PIEZO2: variants seen among roughly 807,000 people sequenced by gnomAD.
PIEZO2 encodes piezo type mechanosensitive ion channel component 2.
Under a neutral mutation model 337.3 loss-of-function variants are expected in PIEZO2, and 172 were observed. That is an observed-to-expected ratio of 0.51 (90% confidence interval 0.45 to 0.58). The LOEUF is 0.58. PIEZO2 is among the 20% of genes least tolerant of loss of function. PIEZO2 has a pLI of 0.00. For synonymous variants in PIEZO2, 1,251 were observed against 1,228.5 expected, an observed-to-expected ratio of 1.02 and a Z score of -0.38; for missense variants, 3,028 against 3,391.3, an observed-to-expected ratio of 0.89 and a Z score of 2.66.
chr18:10,875,049 A>G (rs1419206901), intron 4 of PIEZO2, among the ~76,000 whole-genome samples: 1 of 152,172 alleles, frequency 6.6e-6, no homozygotes, highest in Non-Finnish European at 1.5e-5. Flanking sequence ...ATATTGTATG[A>G]ATGTATCCAA....
In PIEZO2 at chr18:11,092,932, T is replaced by C. The variant is rs977212668; in HGVS notation, c.65-26710A>G. Among the ~76,000 whole-genome samples the C allele has an allele frequency of 6.6e-6, 1 of 152,196 alleles. No individual in the cohort carries two copies. Among genetic ancestry groups the C allele is most frequent in the African/African-American group, 2.4e-5 (1 of 41,438 alleles). ...AAATTGGCTTAATATGCACGTAAAGTGTTCTTTTAAATCAAACCATTCTCA... is the reference window on the plus strand; with the variant it reads ...AAATTGGCTTAATATGCACGTAAAGCGTTCTTTTAAATCAAACCATTCTCA... On this transcript the variant is annotated intron_variant, in intron 1 of 55. Transcript: ENST00000674853. The surrounding 1 kb of genome is among the most constrained non-coding windows in gnomAD (Gnocchi z 4.5).
chr18:10,773,647 C>T lies in PIEZO2; in HGVS notation c.2568-18G>A. On this transcript the variant is annotated intron_variant, in intron 19 of 55. Transcript: ENST00000674853. The surrounding 1 kb of genome is among the most constrained non-coding windows in gnomAD (Gnocchi z 5.3). ...GGGCCAGTCTGTTGGCAGAGAGCAGCTGAGTCAGAAGAGGAAAGGGTGTTG... is the reference window on the plus strand; with the variant it reads ...GGGCCAGTCTGTTGGCAGAGAGCAGTTGAGTCAGAAGAGGAAAGGGTGTTG... 6.5e-7 allele frequency: 1 copy of T among 1,536,086 alleles called. No homozygotes were observed.
intron 3 of PIEZO2, among the ~76,000 whole-genome samples, chr18:10,931,719 A>ATTT (rs2032099486): frequency 1.3e-5 from 2 of 148,456 alleles, no homozygotes; most frequent in African/African-American, 5.1e-5. Flanking sequence ...TGTGTGAGAG[A>ATTT]GAGAGAGAGA....
At chr18:10,776,111 TTC>T (rs1323863239) in intron 18 of PIEZO2, among the ~76,000 whole-genome samples, 4 of 152,216 alleles carry the variant, frequency 2.6e-5, no homozygotes, top group African/African-American at 4.8e-5. Flanking sequence ...CCTTTTACTT[TTC>T]TCTCTCTCTT....
Position 10,988,184 on chromosome 18 carries a change from T to G in PIEZO2, c.161-8524A>C, listed in dbSNP as rs1184930737. 2.0e-5 allele frequency among the ~76,000 whole-genome samples: 3 copies of G among 152,176 alleles called. No individual in the cohort carries two copies. The highest frequency in any genetic ancestry group is 1.3e-4 in the Admixed American group (2 of 15,264). On this transcript the variant is annotated intron_variant, in intron 2 of 55. Transcript: ENST00000674853. The surrounding 1 kb of genome is among the most constrained non-coding windows in gnomAD (Gnocchi z 4.8). ...ATTCCCGTTCAGCCATTTTGCCATGTGAGGACACAGTGTCCATCCCCTCTG... is the reference window on the plus strand; with the variant it reads ...ATTCCCGTTCAGCCATTTTGCCATGGGAGGACACAGTGTCCATCCCCTCTG...
At position 11,003,065 on chromosome 18, in the gene PIEZO2, C is replaced by A. The variant is rs1297649542; in HGVS notation, c.161-23405G>T. ...GGACAGCCTTAAGCACAAGGAGATT[C>A]TAACCTGGGAGATGTCCAGTGACAT... On this transcript the variant is annotated intron_variant, in intron 2 of 55. Transcript: ENST00000674853. The surrounding 1 kb of genome is among the most constrained non-coding windows in gnomAD (Gnocchi z 4.6). 6.6e-6 allele frequency among the ~76,000 whole-genome samples: 1 copy of A among 151,242 alleles called. No individual in the cohort carries two copies. Among genetic ancestry groups the A allele is most frequent in the Non-Finnish European group, 1.5e-5 (1 of 68,032 alleles).
At chr18:10,873,056 T>C (rs902996962) in intron 4 of PIEZO2, among the ~76,000 whole-genome samples, 1 of 152,172 alleles carries the variant, frequency 6.6e-6, no homozygotes, top group African/African-American at 2.4e-5. Context: ...TACACACATA[T>C]ATACATATTC....
At chr18:11,058,335 C>A (rs759016370) in intron 2 of PIEZO2, among the ~76,000 whole-genome samples, 6 of 152,158 alleles carry the variant, frequency 3.9e-5, no homozygotes, top group Non-Finnish European at 5.9e-5. Context: ...GAAAAAACAG[C>A]TGGAAATCTG....
intron 1 of PIEZO2, among the ~76,000 whole-genome samples, chr18:11,067,262 T>G (rs1314371404): frequency 2.0e-5 from 3 of 152,146 alleles, no homozygotes; most frequent in Non-Finnish European, 4.4e-5. Context: ...ATCTATGTAA[T>G]AAAACTGCAC....
At chr18:10,990,747 AT>A (rs10594197) in intron 2 of PIEZO2, among the ~76,000 whole-genome samples, 46 of 150,470 alleles carry the variant, frequency 3.1e-4, no homozygotes, top group African/African-American at 3.9e-4. Context: ...AAGTTACATT[AT>A]TTTTTTTTCT....
intron 3 of PIEZO2, among the ~76,000 whole-genome samples, chr18:10,956,519 G>GA (rs911622420): frequency 1.3e-5 from 2 of 151,748 alleles, no homozygotes; most frequent in Non-Finnish European, 1.5e-5. Flanking sequence ...CATAGAAATT[G>GA]AAAAAAAATT....
At position 11,066,108 on chromosome 18, in the gene PIEZO2, G is replaced by C. The variant is rs920055006; in HGVS notation, c.160+19C>G. 1 of 1,506,240 alleles carries C rather than the reference G, an allele frequency of 6.6e-7. No individual in the cohort carries two copies. The allele number at this position is 1,506,240 out of a possible 1,614,324, so 93.3% of individuals were successfully genotyped here. On this transcript the variant is annotated intron_variant, in intron 2 of 55. Coordinates refer to ENST00000674853, the MANE Select transcript of PIEZO2 (RefSeq NM_001378183.1). Reference sequence around the variant, plus strand: ...CAGACTGTATAACTCTGTGGTATACGATAACAAAATTCTCTTACCTTGCAT... The same window carrying C: ...CAGACTGTATAACTCTGTGGTATACCATAACAAAATTCTCTTACCTTGCAT...
chr18:10,857,931 T>C (rs976434536), intron 5 of PIEZO2, among the ~76,000 whole-genome samples: 25 of 152,160 alleles, frequency 1.6e-4, no homozygotes, highest in Admixed American at 1.1e-3. Flanking sequence ...AAAGAATAAA[T>C]GGGAAAAATT....
In PIEZO2 at chr18:10,834,993, A is replaced by G. The variant is rs2144564905; in HGVS notation, c.917+20360T>C. On this transcript the variant is annotated intron_variant, in intron 7 of 55. Coordinates refer to ENST00000674853, the MANE Select transcript of PIEZO2 (RefSeq NM_001378183.1). The surrounding 1 kb of genome is among the most constrained non-coding windows in gnomAD (Gnocchi z 4.5). ...TTGAGGGGCGATTAGGTCACAAGGG[A>G]GAAGCCCTCATGAAAGGGATCTGTG... Among the ~76,000 whole-genome samples, 1 of 152,208 alleles carries G rather than the reference A, an allele frequency of 6.6e-6. No individual in the cohort carries two copies. The highest frequency in any genetic ancestry group is 1.9e-4 in the East Asian group (1 of 5,186).
chr18:10,789,259 A>G lies in PIEZO2; in HGVS notation c.1989T>C (p.Ala663=). Residue 663 remains alanine (A), a synonymous_variant, in exon 15 of 56, where the codon GCT becomes GCC. Transcript: ENST00000674853. The part of the protein sequence containing the change: ...QERKKVEQEE[A]EEEDEQDIMK... ...TGATGTCCTGCTCATCTTCTTCTTCAGCTTCCTCTTGCTCTACCTTCTTTC... is the reference window on the plus strand; with the variant it reads ...TGATGTCCTGCTCATCTTCTTCTTCGGCTTCCTCTTGCTCTACCTTCTTTC... 2 of 1,537,330 alleles carry G rather than the reference A, an allele frequency of 1.3e-6. No individual in the cohort carries two copies. The highest frequency in any genetic ancestry group is 1.7e-6 in the Non-Finnish European group (2 of 1,146,928).
chr18:10,725,586 CT>C (rs1185315568), intron 36 of PIEZO2: 9 of 1,350,578 alleles, frequency 6.7e-6, no homozygotes, highest in Non-Finnish European at 8.0e-6. Context: ...GAGGTCGGGG[CT>C]TTCCCTTCCT....
At chr18:10,965,689 G>GA (rs1423070344) in intron 3 of PIEZO2, among the ~76,000 whole-genome samples, 4 of 152,160 alleles carry the variant, frequency 2.6e-5, no homozygotes, top group Non-Finnish European at 5.9e-5. Context: ...ATTTATATGT[G>GA]AAAATGCTCA....
chr18:10,810,104 TGACTC>T, intron 7 of PIEZO2, among the ~76,000 whole-genome samples: 1 of 152,342 alleles, frequency 6.6e-6, no homozygotes, highest in Admixed American at 6.5e-5. Context: ...ATTTGGTAAA[TGACTC>T]GATGTCTGAG....
At chr18:10,695,112 T>C (rs1187545323) in intron 47 of PIEZO2, among the ~76,000 whole-genome samples, 2 of 152,250 alleles carry the variant, frequency 1.3e-5, no homozygotes, top group Non-Finnish European at 2.9e-5. Context: ...AAAGCAGATA[T>C]TTCCCATTTA....
Sources: allele counts gnomAD v4.1 joint callset (sites outside exome capture counted in the v4.1 genomes callset), GRCh38; gene constraint gnomAD v4.1.1; non-coding constraint Gnocchi (gnomAD v3.1); transcripts MANE v1.5; gene names NCBI Gene and HGNC (gene_info 2026-07-23, HGNC 2026-07-21).